Variants in CTTNBP2 observed in about 807,000 individuals in gnomAD.
CTTNBP2 encodes the protein cortactin-binding protein 2.
Under a neutral mutation model 156.9 loss-of-function variants are expected in CTTNBP2, and 108 were observed. That is an observed-to-expected ratio of 0.69 (90% confidence interval 0.59 to 0.81). The LOEUF (loss-of-function observed/expected upper bound fraction) is 0.81. Ranked by LOEUF, CTTNBP2 falls within the 30% of genes least tolerant of loss-of-function variation. The probability of loss-of-function intolerance (pLI) is 0.00; values close to 1 mark genes in which losing one functional copy is unlikely to be tolerated. For synonymous variants in CTTNBP2, 767 were observed against 751.8 expected (o/e 1.02, Z -0.33); for missense variants, 1,924 against 2,035.4 (o/e 0.95, Z 1.05).
At chr7:117,735,768 A>G (rs2116493030) in intron 14 of CTTNBP2, among the ~76,000 whole-genome samples, 1 of 152,348 alleles carries the variant, frequency 6.6e-6, no homozygotes, top group Middle Eastern at 3.4e-3. Context: ...CTCACAAACA[A>G]TATATTAAGA....
At chr7:117,865,671 C>CAAAAAAAAAAAAAAAAAAA (rs61533705) in intron 1 of CTTNBP2, among the ~76,000 whole-genome samples, 1 of 74,516 alleles carries the variant, frequency 1.3e-5, no homozygotes, top group African/African-American at 5.2e-5. Flanking sequence ...ACTCCATCTC[C>CAAAAAAAAAAAAAAAAAAA]AAAAAAAAAA....
chr7:117,830,949 G>C (rs986878314), intron 2 of CTTNBP2, among the ~76,000 whole-genome samples: 2 of 152,020 alleles, frequency 1.3e-5, no homozygotes, highest in Non-Finnish European at 1.5e-5. Flanking sequence ...AAAAGATAAT[G>C]TTTTCACATG....
At chr7:117,808,132 T>C (rs1800058664) in intron 3 of CTTNBP2, among the ~76,000 whole-genome samples, 1 of 152,198 alleles carries the variant, frequency 6.6e-6, no homozygotes, top group African/African-American at 2.4e-5. Flanking sequence ...GCTACACAGA[T>C]TCAAAGTTCT....
intron 14 of CTTNBP2, among the ~76,000 whole-genome samples, chr7:117,745,201 G>A (rs781346005): frequency 1.3e-5 from 2 of 152,130 alleles, no homozygotes; most frequent in Non-Finnish European, 2.9e-5. Context: ...ATTTAATCCC[G>A]GTGCTGCTAC....
rs367899500 is a variant in CTTNBP2 at position 117,711,777 on chromosome 7, G to A, written c.4752C>T (p.Val1584=). 3.7e-6 allele frequency: 6 copies of A among 1,610,616 alleles called. No homozygotes were observed. The highest frequency in any genetic ancestry group is 1.6e-4 in the Middle Eastern group (1 of 6,068). Reference sequence around the variant, plus strand: ...TAGTTTGATGGCTGCTGAGAGGACTGACCTCCTGTAAGAGACAAGAAACCA... The same window carrying A: ...TAGTTTGATGGCTGCTGAGAGGACTAACCTCCTGTAAGAGACAAGAAACCA... ...NLRMPVSQKE[V]SPLSSHQTTE... is the part of the protein sequence containing the mutation. The change falls in exon 23 of 23, where the codon GTC becomes GTT. Residue 1584 remains valine, a synonymous_variant. Coordinates refer to ENST00000160373, the MANE Select transcript of CTTNBP2 (RefSeq NM_033427.3).
chr7:117,811,034 A>G (rs1332079805), intron 2 of CTTNBP2, 45 bp from the exon 3 acceptor site: 1 of 1,376,110 alleles, frequency 7.3e-7, no homozygotes, highest in South Asian at 1.2e-5. Context: ...AAATGAAAAT[A>G]TACAGAAAGA....
At chr7:117,761,727 G>T (rs946100314) in intron 9 of CTTNBP2, among the ~76,000 whole-genome samples, 1 of 152,100 alleles carries the variant, frequency 6.6e-6, no homozygotes, top group African/African-American at 2.4e-5. Context: ...TCAAACATTA[G>T]AAATCATAGA....
At chr7:117,832,920 T>C (rs532211724) in intron 2 of CTTNBP2, among the ~76,000 whole-genome samples, 20 of 14,788 alleles carry the variant, frequency 1.4e-3, no homozygotes, top group African/African-American at 0.011. Flanking sequence ...CTTTTTTTTC[T>C]TTTTTTTTGT....
intron 2 of CTTNBP2, among the ~76,000 whole-genome samples, chr7:117,816,303 T>C (rs1800572415): frequency 6.6e-6 from 1 of 152,216 alleles, no homozygotes; most frequent in South Asian, 2.1e-4. Context: ...TTTCTATGGT[T>C]CACCGTGCTT....
At chr7:117,826,574 A>T (rs1485569167) in intron 2 of CTTNBP2, among the ~76,000 whole-genome samples, 1 of 152,104 alleles carries the variant, frequency 6.6e-6, no homozygotes, top group Non-Finnish European at 1.5e-5. Context: ...AAAGCCATTC[A>T]CTTACTGAAG....
At position 117,756,434 on chromosome 7, in the gene CTTNBP2, A is replaced by G. The variant is rs1185272160; in HGVS notation, c.3348+121T>C. On this transcript the variant is annotated intron_variant, in intron 12 of 22. Transcript: ENST00000160373. The stretch of plus-strand genomic sequence containing the variant: ...AGGGAGGGGGCTGGTGGGGAAGGTA[A>G]CGGTGTCAGAGCACAGGGTGGGGGG... 3 of 740,050 alleles carry G rather than the reference A, an allele frequency of 4.1e-6. No homozygotes were observed. The African/African-American group carries it at 5.2e-5, about 13-fold the overall frequency. 45.8% of individuals were successfully genotyped at this position (740,050 alleles called of 1,614,324 possible). A position where few individuals can be genotyped will look rare whatever the true frequency, so the allele number is the denominator to read the frequency against.
chr7:117,748,908 G>C (rs1010346709), intron 12 of CTTNBP2, among the ~76,000 whole-genome samples: 2 of 152,210 alleles, frequency 1.3e-5, no homozygotes, highest in Non-Finnish European at 2.9e-5. Flanking sequence ...ATGAGGCTAA[G>C]GGGAACCCCT....
chr7:117,785,585 A>G (rs1301169564), intron 4 of CTTNBP2, among the ~76,000 whole-genome samples: 4 of 152,190 alleles, frequency 2.6e-5, no homozygotes, highest in African/African-American at 9.7e-5. Flanking sequence ...CTTTATTCTA[A>G]ATAGTGTTTC....
intron 4 of CTTNBP2, among the ~76,000 whole-genome samples, chr7:117,785,443 C>G (rs113312420): frequency 3.3e-5 from 5 of 152,094 alleles, no homozygotes; most frequent in Non-Finnish European, 7.4e-5. Flanking sequence ...AGACATTTTC[C>G]GCTTTTTCCT....
At position 117,780,533 on chromosome 7, in the gene CTTNBP2, G is replaced by C; in HGVS notation, c.2431C>G (p.Gln811Glu). ...ANINHAADGG[Q>E]TPLYLACKNG... Reference sequence around the variant, plus strand: ...TTACAGGCCAGGTATAGAGGTGTCTGTCCTCCATCAGCAGCATGATTAATG... The same window carrying C: ...TTACAGGCCAGGTATAGAGGTGTCTCTCCTCCATCAGCAGCATGATTAATG... Residue 811 changes from glutamine (Q) to glutamate (E), a missense_variant, in exon 7 of 23, where the codon CAG becomes GAG. By Grantham distance (29) the Gln-to-Glu change is conservative. Coordinates refer to ENST00000160373, the MANE Select transcript of CTTNBP2 (RefSeq NM_033427.3). 6.3e-7 allele frequency: 1 copy of C among 1,594,168 alleles called. No homozygotes were observed. Among genetic ancestry groups the C allele is most frequent in the South Asian group, 1.1e-5 (1 of 88,638 alleles).
chr7:117,798,614 C>T (rs1799449979), intron 3 of CTTNBP2, among the ~76,000 whole-genome samples: 2 of 152,076 alleles, frequency 1.3e-5, no homozygotes, highest in Admixed American at 6.6e-5. Context: ...GCCGATATGG[C>T]TTTAAATGTT....
intron 16 of CTTNBP2, among the ~76,000 whole-genome samples, chr7:117,729,484 A>C (rs768119552): frequency 6.6e-6 from 1 of 152,172 alleles, no homozygotes; most frequent in Admixed American, 6.5e-5. Context: ...GTGTATGCCT[A>C]CTATGTATTC....
At chr7:117,763,106 T>A (rs1330149905) in intron 9 of CTTNBP2, among the ~76,000 whole-genome samples, 1 of 152,140 alleles carries the variant, frequency 6.6e-6, no homozygotes, top group Non-Finnish European at 1.5e-5. Context: ...TCTCACCACC[T>A]CACAATGCCA....
intron 2 of CTTNBP2, among the ~76,000 whole-genome samples, chr7:117,840,546 T>C (rs966733839): frequency 2.0e-4 from 31 of 152,202 alleles, no homozygotes; most frequent in African/African-American, 7.0e-4. Context: ...ACAACAAAAA[T>C]TCTTTTCCTG....
Sources: allele counts gnomAD v4.1 joint callset (sites outside exome capture counted in the v4.1 genomes callset), GRCh38; gene constraint gnomAD v4.1.1; transcripts MANE v1.5; gene names NCBI Gene and HGNC (gene_info 2026-07-23, HGNC 2026-07-21).